CACHD1: variants seen among roughly 807,000 people sequenced by gnomAD.
CACHD1 encodes the protein cache domain containing 1.
A neutral mutation model predicts 138.7 loss-of-function variants in CACHD1; 71 were observed. The observed-to-expected ratio is 0.51, with a 90% CI of 0.42 to 0.62. The LOEUF (loss-of-function observed/expected upper bound fraction) is 0.62. Ranked by LOEUF, CACHD1 falls within the 20% of genes least tolerant of loss-of-function variation. The pLI, the probability that CACHD1 is intolerant of heterozygous loss-of-function variation, is 0.00. For missense variants in CACHD1, 1,389 were observed against 1,625.3 expected (o/e 0.85, Z 2.50); for synonymous variants, 578 against 591.5 (o/e 0.98, Z 0.33).
At chr1:64,554,005 C>CA (rs772514273) in intron 2 of CACHD1, among the ~76,000 whole-genome samples, 14 of 151,978 alleles carry the variant, frequency 9.2e-5, no homozygotes, top group Non-Finnish European at 1.9e-4. Context: ...TTATAGCTGA[C>CA]ATTGTTTGGG....
At chr1:64,686,746 T>C (rs1038079854) in intron 26 of CACHD1, among the ~76,000 whole-genome samples, 2 of 152,268 alleles carry the variant, frequency 1.3e-5, no homozygotes, top group Non-Finnish European at 2.9e-5. Context: ...TGTAAGTGTA[T>C]ATTAGGCAAC....
chr1:64,633,106 G>A (rs1648372782), intron 6 of CACHD1, among the ~76,000 whole-genome samples: 5 of 152,156 alleles, frequency 3.3e-5, no homozygotes, highest in Non-Finnish European at 7.3e-5. Flanking sequence ...TGGGAGCTGC[G>A]GCTCGCTGCC....
chr1:64,610,718 G>A (rs910686273), intron 4 of CACHD1, among the ~76,000 whole-genome samples: 3 of 152,198 alleles, frequency 2.0e-5, no homozygotes, highest in African/African-American at 7.2e-5. Flanking sequence ...GCTTTTCCAG[G>A]TGCACAGTGC....
At chr1:64,614,630 T>A (rs940019693) in intron 4 of CACHD1, among the ~76,000 whole-genome samples, 1 of 152,046 alleles carries the variant, frequency 6.6e-6, no homozygotes, top group African/African-American at 2.4e-5. Context: ...TGCCTGTGTG[T>A]TGCTCTTGTT....
At position 64,632,844 on chromosome 1, in the gene CACHD1, C is replaced by A. The variant is rs368015922; in HGVS notation, c.789+101C>A. The A allele has an allele frequency of 3.8e-6, 5 of 1,318,320 alleles. No individual in the cohort carries two copies. In the Admixed American group the frequency reaches 5.5e-5, roughly 15 times the overall value. The allele number at this position is 1,318,320 out of a possible 1,614,324, so 81.7% of individuals were successfully genotyped here. A position where few individuals can be genotyped will look rare whatever the true frequency, so the allele number is the denominator to read the frequency against. The stretch of plus-strand genomic sequence containing the variant: ...TGATATACAGATCCTCCTTGACTTA[C>A]AATGGGGTTACATCCTGATAAATCC... On this transcript the variant is annotated intron_variant, in intron 6 of 26. Coordinates refer to ENST00000651257, the MANE Select transcript of CACHD1 (RefSeq NM_020925.4).
In CACHD1 at chr1:64,584,164, G is replaced by A. The variant is rs1328157895; in HGVS notation, c.410+1860G>A. Among the ~76,000 whole-genome samples, 6 of 152,080 alleles carry A rather than the reference G, an allele frequency of 3.9e-5. No individual in the cohort carries two copies. In the East Asian group the frequency reaches 1.2e-3, roughly 29 times the overall value. On this transcript the variant is annotated intron_variant, in intron 3 of 26. Coordinates refer to ENST00000651257, the MANE Select transcript of CACHD1 (RefSeq NM_020925.4). ...TAGATTTATGCATTTTTCTCCTAGG[G>A]AAAGACATGTGGCAATGTCTGGACG...
intron 1 of CACHD1, among the ~76,000 whole-genome samples, chr1:64,537,762 A>G (rs1381711251): frequency 6.6e-6 from 1 of 152,202 alleles, no homozygotes; most frequent in African/African-American, 2.4e-5. Flanking sequence ...CTCTTACTAT[A>G]TGCAAGAAAT....
chr1:64,495,718 C>G (rs1291865073), intron 1 of CACHD1, among the ~76,000 whole-genome samples: 2 of 151,274 alleles, frequency 1.3e-5, no homozygotes. Flanking sequence ...CCTTTTTGAA[C>G]CTGAGTTGCT....
intron 12 of CACHD1, among the ~76,000 whole-genome samples, chr1:64,656,906 A>C (rs900641656): frequency 1.3e-5 from 2 of 152,178 alleles, no homozygotes; most frequent in Non-Finnish European, 2.9e-5. Context: ...AAAAAATAAA[A>C]TGGTTTCTTC....
chr1:64,625,757 CT>C lies in CACHD1; in HGVS notation c.518-3597del, dbSNP rs1648078162. On this transcript the variant is annotated intron_variant, in intron 4 of 26. Coordinates refer to ENST00000651257, the MANE Select transcript of CACHD1 (RefSeq NM_020925.4). The stretch of plus-strand genomic sequence containing the variant: ...CATAACAAAACTGCATTTGTACCCC[CT>C]ACATCTATAAAAATAAAAAAAAATT... Among the ~76,000 whole-genome samples, 7 of 152,284 alleles carry C rather than the reference CT, an allele frequency of 4.6e-5. No homozygotes were observed. In the South Asian group the frequency reaches 1.5e-3, roughly 32 times the overall value.
intron 1 of CACHD1, among the ~76,000 whole-genome samples, chr1:64,548,199 CT>C (rs1646732462): frequency 6.6e-6 from 1 of 152,136 alleles, no homozygotes; most frequent in African/African-American, 2.4e-5. Flanking sequence ...TGATTTGGCC[CT>C]TTGTGGGTGT....
chr1:64,606,273 G>T (rs1229307867), intron 4 of CACHD1, among the ~76,000 whole-genome samples: 2 of 152,158 alleles, frequency 1.3e-5, no homozygotes, highest in African/African-American at 2.4e-5. Context: ...CTGTCGGGGG[G>T]AGGAGCAGAT....
chr1:64,507,068 A>G (rs1646382475), intron 1 of CACHD1, among the ~76,000 whole-genome samples: 1 of 152,222 alleles, frequency 6.6e-6, no homozygotes, highest in Admixed American at 6.5e-5. Flanking sequence ...TTGAGGTCCC[A>G]AGGAAAAAGG....
intron 2 of CACHD1, among the ~76,000 whole-genome samples, chr1:64,561,633 G>A (rs569546654): frequency 2.0e-5 from 3 of 151,910 alleles, no homozygotes; most frequent in African/African-American, 4.8e-5. Context: ...TGGGAGGATC[G>A]CTTGAGCCCA....
chr1:64,526,625 T>C (rs1181213308), intron 1 of CACHD1, among the ~76,000 whole-genome samples: 1 of 152,226 alleles, frequency 6.6e-6, no homozygotes, highest in Non-Finnish European at 1.5e-5. Flanking sequence ...AAGTTAAAAT[T>C]TCAAAATTGA....
chr1:64,522,554 G>A (rs968973514), intron 1 of CACHD1, among the ~76,000 whole-genome samples: 3 of 88,400 alleles, frequency 3.4e-5, no homozygotes, highest in South Asian at 4.4e-4. Context: ...CCGCCTGCCC[G>A]CTTCAGCCTC....
At chr1:64,562,643 G>C (rs574948606) in intron 2 of CACHD1, among the ~76,000 whole-genome samples, 1 of 149,672 alleles carries the variant, frequency 6.7e-6, no homozygotes, top group African/African-American at 2.5e-5. Flanking sequence ...AGATGGTGTC[G>C]ATCTCCTGAC....
intron 14 of CACHD1, 33 bp downstream of exon 14, chr1:64,663,870 T>C (rs761815471): frequency 6.2e-7 from 1 of 1,613,080 alleles, no homozygotes; most frequent in South Asian, 1.1e-5. Flanking sequence ...ATTTCTGGTG[T>C]CCCCCTCCAC....
chr1:64,664,474 G>A, intron 14 of CACHD1, 24 bp from the exon 15 acceptor site: 4 of 1,611,134 alleles, frequency 2.5e-6, no homozygotes, highest in Non-Finnish European at 3.4e-6. Context: ...AAGGATCCCT[G>A]CTATGTCTTC....
Sources: allele counts gnomAD v4.1 joint callset (sites outside exome capture counted in the v4.1 genomes callset), GRCh38; gene constraint gnomAD v4.1.1; transcripts MANE v1.5; gene names NCBI Gene and HGNC (gene_info 2026-07-23, HGNC 2026-07-21).